RB1: variants seen among roughly 807,000 people sequenced by gnomAD.
RB1 encodes RB transcriptional corepressor 1, also known as retinoblastoma-associated protein.
A neutral mutation model predicts 135.4 loss-of-function variants in RB1; 18 were observed. That is an observed-to-expected ratio of 0.13 (90% confidence interval 0.09 to 0.20). The LOEUF (loss-of-function observed/expected upper bound fraction) is 0.20. RB1 is among the 10% of genes least tolerant of loss of function. The pLI is 1.00. For missense variants in RB1, 868 were observed against 1,110.0 expected, an observed-to-expected ratio of 0.78 and a Z score of 3.10; for synonymous variants, 365 against 373.2, an observed-to-expected ratio of 0.98 and a Z score of 0.25.
intron 20 of RB1, among the ~76,000 whole-genome samples, 161 bp from the exon 21 acceptor site, chr13:48,463,570 A>G (rs1013496627): frequency 6.6e-6 from 1 of 152,236 alleles, no homozygotes; most frequent in Non-Finnish European, 1.5e-5. Flanking sequence ...ACTTTGGGTT[A>G]AACACTTCAT....
chr13:48,311,619 T>C (rs1297626135), intron 2 of RB1, among the ~76,000 whole-genome samples: 1 of 152,250 alleles, frequency 6.6e-6, no homozygotes. Context: ...TCTTTCTATG[T>C]GTTTTACTAA....
At chr13:48,356,431 TATTATTTCTAAA>T (rs1446209639) in intron 6 of RB1, among the ~76,000 whole-genome samples, 1 of 152,046 alleles carries the variant, frequency 6.6e-6, no homozygotes, top group African/African-American at 2.4e-5. Flanking sequence ...CTTTAAGTGA[TATTATTTCTAAA>T]ATTATTTCTC....
At position 48,455,499 on chromosome 13, in the gene RB1, C is replaced by T. The variant is rs752103316; in HGVS notation, c.1815-705C>T. ...TCTTAGTGTACTGGTTAATATACTA[C>T]GTGTTGTAGAAACATCCATAGTAAG... On this transcript the variant is annotated intron_variant, in intron 18 of 26. Coordinates refer to ENST00000267163, the MANE Select transcript of RB1 (RefSeq NM_000321.3). Among the ~76,000 whole-genome samples, 6 of 151,924 alleles carry T rather than the reference C, an allele frequency of 3.9e-5. 1 individual carries two copies. The highest frequency in any genetic ancestry group is 2.6e-4 in the Admixed American group (4 of 15,246).
At chr13:48,449,165 G>T (rs1200360525) in intron 17 of RB1, among the ~76,000 whole-genome samples, 5 of 151,376 alleles carry the variant, frequency 3.3e-5, no homozygotes, top group African/African-American at 4.9e-5. Context: ...GCATCTCCCA[G>T]ATCGCCTTTT....
At chr13:48,317,215 G>A in intron 2 of RB1, 2 of 442,660 alleles carry the variant, frequency 4.5e-6, no homozygotes, top group Non-Finnish European at 3.8e-6. Context: ...TGGCCTGCCT[G>A]CCCCCCTGGG....
At chr13:48,431,995 A>C (rs967921319) in intron 17 of RB1, among the ~76,000 whole-genome samples, 1 of 152,160 alleles carries the variant, frequency 6.6e-6, no homozygotes, top group African/African-American at 2.4e-5. Flanking sequence ...CCCTGAGCTT[A>C]TATTTTATTT....
intron 17 of RB1, chr13:48,415,688 T>G (rs1948897060): frequency 6.6e-6 from 1 of 152,232 alleles, no homozygotes; most frequent in Non-Finnish European, 1.5e-5. Context: ...TAAATGTTTG[T>G]ATAATTCTTA....
At chr13:48,447,996 C>T (rs1293808947) in intron 17 of RB1, among the ~76,000 whole-genome samples, 1 of 152,066 alleles carries the variant, frequency 6.6e-6, no homozygotes, top group Non-Finnish European at 1.5e-5. Context: ...GTACTTAAGT[C>T]CTATTAATCA....
intron 6 of RB1, among the ~76,000 whole-genome samples, chr13:48,355,484 T>A (rs901743304): frequency 2.0e-5 from 3 of 152,128 alleles, no homozygotes; most frequent in Non-Finnish European, 4.4e-5. Context: ...TGTAAATTAG[T>A]ACAACTACTA....
At chr13:48,416,002 T>C (rs917476472) in intron 17 of RB1, among the ~76,000 whole-genome samples, 2 of 152,220 alleles carry the variant, frequency 1.3e-5, no homozygotes, top group African/African-American at 4.8e-5. Context: ...ATAGATACTT[T>C]TGTATTTGAT....
intron 2 of RB1, among the ~76,000 whole-genome samples, chr13:48,336,146 C>CT (rs11407243): frequency 0.024 from 3,609 of 152,160 alleles, 152 homozygotes; most frequent in African/African-American, 0.083. Context: ...CTAAAATTCT[C>CT]TTTTTTTGTT....
In RB1 at chr13:48,340,589, G is replaced by GGA. The variant is rs1555282507; in HGVS notation, c.265-2010_265-2009insGA. Among the ~76,000 whole-genome samples the GGA allele has an allele frequency of 5.4e-5, 8 of 149,130 alleles. No individual in the cohort carries two copies. In the South Asian group the frequency reaches 1.0e-3, roughly 20 times the overall value. On this transcript the variant is annotated intron_variant, in intron 2 of 26. Coordinates refer to ENST00000267163, the MANE Select transcript of RB1 (RefSeq NM_000321.3). ...TTTTAATCTTTAAAAGAGAGAGAGA[G>GGA]AAAAAAAAAGGCTGGAATTGATGAA... is the stretch of plus-strand genomic sequence containing the variant.
chr13:48,318,976 C>T (rs989078248), intron 2 of RB1: 2 of 785,498 alleles, frequency 2.5e-6, no homozygotes, highest in Middle Eastern at 3.6e-4. Flanking sequence ...CAGAAAGGGA[C>T]CTGTTGCTGC....
intron 17 of RB1, chr13:48,429,224 T>G (rs1272099334): frequency 5.3e-5 from 8 of 152,130 alleles, no homozygotes; most frequent in Non-Finnish European, 1.2e-4. Flanking sequence ...TAGACTTAGA[T>G]GTAGAAAAGA....
At chr13:48,309,804 CTA>C (rs1442973022) in intron 2 of RB1, among the ~76,000 whole-genome samples, 1 of 152,064 alleles carries the variant, frequency 6.6e-6, no homozygotes, top group East Asian at 1.9e-4. Context: ...TTGTACTAAA[CTA>C]TAACAATAAT....
intron 17 of RB1, among the ~76,000 whole-genome samples, chr13:48,402,588 G>T (rs1295553122): frequency 1.3e-5 from 2 of 151,864 alleles, no homozygotes; most frequent in African/African-American, 4.8e-5. Flanking sequence ...TGTTGCCCAG[G>T]CTGGTCTCAA....
chr13:48,411,026 A>C (rs1948790371), intron 17 of RB1: 1 of 153,642 alleles, frequency 6.5e-6, no homozygotes, highest in African/African-American at 2.4e-5. Flanking sequence ...TTACATAAAC[A>C]TAAATTAGTA....
intron 20 of RB1, among the ~76,000 whole-genome samples, chr13:48,461,600 C>G (rs1202874397): frequency 6.6e-6 from 1 of 152,112 alleles, no homozygotes; most frequent in African/African-American, 2.4e-5. Flanking sequence ...TACCATTTTA[C>G]ATGCCTACCA....
intron 23 of RB1, among the ~76,000 whole-genome samples, chr13:48,472,455 T>TG (rs1204531825): frequency 1.3e-5 from 2 of 152,140 alleles, no homozygotes; most frequent in Non-Finnish European, 2.9e-5. Flanking sequence ...TGCCACGTCA[T>TG]GTCTATTTAA....
Sources: allele counts gnomAD v4.1 joint callset (sites outside exome capture counted in the v4.1 genomes callset), GRCh38; gene constraint gnomAD v4.1.1; transcripts MANE v1.5; gene names NCBI Gene and HGNC (gene_info 2026-07-23, HGNC 2026-07-21).